TTC7A: variants seen among roughly 807,000 people sequenced by gnomAD.
The protein encoded by TTC7A is tetratricopeptide repeat protein 7A.
TTC7A carries 110 observed loss-of-function variants against 103.7 expected under a neutral mutation model. That is an observed-to-expected ratio of 1.06 (90% confidence interval 0.91 to 1.24). TTC7A has a LOEUF of 1.24. TTC7A is among the 50% of genes most tolerant of loss of function. The pLI is 0.00. For missense variants in TTC7A, 1,340 were observed against 1,116.3 expected, an observed-to-expected ratio of 1.20 and a Z score of -2.86; for synonymous variants, 521 against 467.9, an observed-to-expected ratio of 1.11 and a Z score of -1.47.
At chr2:47,068,900 C>A (rs1199733102) in intron 19 of TTC7A, among the ~76,000 whole-genome samples, 1 of 146,824 alleles carries the variant, frequency 6.8e-6, no homozygotes, top group African/African-American at 2.5e-5. Flanking sequence ...AAGACTCACC[C>A]TACATGGAGA....
At chr2:46,979,476 T>A (rs1674222749) in intron 5 of TTC7A, among the ~76,000 whole-genome samples, 1 of 152,134 alleles carries the variant, frequency 6.6e-6, no homozygotes, top group Non-Finnish European at 1.5e-5. Context: ...TCCTGTGGGT[T>A]GTCTTGAGGT....
intron 5 of TTC7A, among the ~76,000 whole-genome samples, chr2:46,988,411 G>T (rs1248727165): frequency 6.6e-6 from 1 of 152,176 alleles, no homozygotes; most frequent in African/African-American, 2.4e-5. Context: ...TCAGCTGTTG[G>T]GATCTGCCAA....
chr2:47,061,976 C>T (rs919944966), intron 19 of TTC7A, among the ~76,000 whole-genome samples: 1 of 152,188 alleles, frequency 6.6e-6, no homozygotes, highest in African/African-American at 2.4e-5. Flanking sequence ...TTAAGGAGAA[C>T]AGCCATTAGG....
chr2:46,992,304 T>TGCA (rs1173568904), intron 5 of TTC7A, among the ~76,000 whole-genome samples: 1 of 152,182 alleles, frequency 6.6e-6, no homozygotes. Flanking sequence ...GGGTCAGACC[T>TGCA]GCAGGTAGAA....
chr2:46,920,507 T>A (rs1669047931), intron 2 of TTC7A, among the ~76,000 whole-genome samples: 2 of 152,008 alleles, frequency 1.3e-5, no homozygotes, highest in African/African-American at 4.8e-5. Flanking sequence ...TTTTTTGTAT[T>A]TTTAGTAGAG....
At chr2:47,054,063 C>CCTTT in intron 18 of TTC7A, 1 of 962,938 alleles carries the variant, frequency 1.0e-6, no homozygotes, top group Non-Finnish European at 1.2e-6. Context: ...TGCACATGAG[C>CCTTT]CTTTCTTCTT....
At chr2:46,958,749 C>CGT (rs1672123188) in intron 3 of TTC7A, among the ~76,000 whole-genome samples, 1 of 152,182 alleles carries the variant, frequency 6.6e-6, no homozygotes, top group South Asian at 2.1e-4. Context: ...AGACCATGCA[C>CGT]GTGGCCACCA....
At chr2:47,034,784 G>A (rs1470918384) in intron 15 of TTC7A, among the ~76,000 whole-genome samples, 1 of 152,170 alleles carries the variant, frequency 6.6e-6, no homozygotes, top group Non-Finnish European at 1.5e-5. Flanking sequence ...AGGCCCTCTT[G>A]GGAGTTTCTG....
chr2:46,983,669 T>G (rs1329083010), intron 5 of TTC7A, among the ~76,000 whole-genome samples: 1 of 152,260 alleles, frequency 6.6e-6, no homozygotes, highest in South Asian at 2.1e-4. Context: ...TGCCGCCACT[T>G]TTCTTGTAAA....
intron 2 of TTC7A, among the ~76,000 whole-genome samples, chr2:46,952,413 G>A (rs1671494098): frequency 6.6e-6 from 1 of 152,038 alleles, no homozygotes; most frequent in Non-Finnish European, 1.5e-5. Flanking sequence ...ACATGATTCA[G>A]CCTTATTGTA....
At chr2:47,037,049 C>A (rs1489158355) in intron 15 of TTC7A, among the ~76,000 whole-genome samples, 1 of 152,174 alleles carries the variant, frequency 6.6e-6, no homozygotes, top group Non-Finnish European at 1.5e-5. Context: ...GGTATCCATA[C>A]CTTGTCAGGC....
At chr2:47,035,691 G>C (rs1439970768) in intron 15 of TTC7A, 1 of 152,268 alleles carries the variant, frequency 6.6e-6, no homozygotes, top group Non-Finnish European at 1.5e-5. Flanking sequence ...TGTTTTCAAA[G>C]GTGATGGTAA....
chr2:46,972,847 C>T (rs1192581100), intron 3 of TTC7A, among the ~76,000 whole-genome samples: 1 of 152,202 alleles, frequency 6.6e-6, no homozygotes, highest in East Asian at 1.9e-4. Flanking sequence ...CATTTGCCCT[C>T]GTGGAGCTTT....
chr2:46,924,230 A>G (rs1055462788), intron 2 of TTC7A, among the ~76,000 whole-genome samples: 4 of 151,368 alleles, frequency 2.6e-5, no homozygotes, highest in Non-Finnish European at 5.9e-5. Context: ...ACCCAACTAA[A>G]GGAACCAAAA....
At chr2:47,053,422 G>A (rs1479942959) in intron 18 of TTC7A, among the ~76,000 whole-genome samples, 3 of 152,208 alleles carry the variant, frequency 2.0e-5, no homozygotes, top group Admixed American at 6.5e-5. Context: ...GGAATGCAGC[G>A]TAACACAGTG....
At chr2:47,014,152 G>A (rs1678374036) in intron 11 of TTC7A, among the ~76,000 whole-genome samples, 1 of 152,190 alleles carries the variant, frequency 6.6e-6, no homozygotes, top group Non-Finnish European at 1.5e-5. Flanking sequence ...AATGAATTCT[G>A]TCTTATGTGG....
intron 5 of TTC7A, among the ~76,000 whole-genome samples, chr2:46,990,118 G>C (rs1019336304): frequency 1.3e-5 from 2 of 152,240 alleles, no homozygotes; most frequent in Non-Finnish European, 2.9e-5. Context: ...GCCTGCTGCT[G>C]TTGGGCCCAG....
chr2:47,073,278 C>G (rs1203294177), intron 19 of TTC7A, among the ~76,000 whole-genome samples: 1 of 152,192 alleles, frequency 6.6e-6, no homozygotes, highest in Non-Finnish European at 1.5e-5. Context: ...CTGCCAGACA[C>G]TTCTCAGAGC....
chr2:46,944,830 C>A (rs1476015654), intron 1 of TTC7A, among the ~76,000 whole-genome samples: 1 of 152,114 alleles, frequency 6.6e-6, no homozygotes, highest in African/African-American at 2.4e-5. Context: ...CATGAGCCAC[C>A]ACACCTAGCA....
Sources: allele counts gnomAD v4.1 joint callset (sites outside exome capture counted in the v4.1 genomes callset), GRCh38; gene constraint gnomAD v4.1.1; transcripts MANE v1.5; gene names NCBI Gene and HGNC (gene_info 2026-07-23, HGNC 2026-07-21).